The following LOC128092252 variants were observed in gnomAD, a reference collection of about 807,000 sequenced individuals.
chr15:50,676,703 G>A, the LOC128092252 span, among the ~76,000 whole-genome samples: 1 of 152,036 alleles, frequency 6.6e-6, no homozygotes. Flanking sequence ...CTTTTTGCCT[G>A]AAAACAGTCC....
At chr15:50,678,327 T>TCAACATGCCTGCCAAGGGTGAC in the LOC128092252 span, among the ~76,000 whole-genome samples, 4 of 149,878 alleles carry the variant, frequency 2.7e-5, no homozygotes, top group Middle Eastern at 3.5e-3. Context: ...TGTACATGGG[T>TCAACATGCCTGCCAAGGGTGAC]CAACATGCCT....
chr15:50,656,499 CTTTTT>C, the LOC128092252 span, among the ~76,000 whole-genome samples: 5 of 133,508 alleles, frequency 3.7e-5, no homozygotes, highest in African/African-American at 1.4e-4. Flanking sequence ...GTGTGGTTTT[CTTTTT>C]TTTTTTTTTT....
the LOC128092252 span, among the ~76,000 whole-genome samples, chr15:50,655,217 C>T: frequency 6.6e-6 from 1 of 151,450 alleles, no homozygotes; most frequent in South Asian, 2.1e-4. Flanking sequence ...GGGCGAATCA[C>T]GAGGTCAGGA....
At chr15:50,681,208 G>A in the LOC128092252 span, among the ~76,000 whole-genome samples, 1 of 151,678 alleles carries the variant, frequency 6.6e-6, no homozygotes. Context: ...CCAAGATCAC[G>A]CCACTGCACT....
the LOC128092252 span, among the ~76,000 whole-genome samples, chr15:50,653,739 G>A: frequency 6.6e-6 from 1 of 152,042 alleles, no homozygotes; most frequent in Admixed American, 6.6e-5. Context: ...CAGAGAAAAG[G>A]GAGCTATAAA....
the LOC128092252 span, among the ~76,000 whole-genome samples, chr15:50,682,829 T>A: frequency 1.3e-5 from 2 of 152,078 alleles, no homozygotes; most frequent in Non-Finnish European, 2.9e-5. Context: ...TCAGTTAAAA[T>A]CCCCATAGTC....
At chr15:50,681,977 A>G in the LOC128092252 span, among the ~76,000 whole-genome samples, 1 of 152,118 alleles carries the variant, frequency 6.6e-6, no homozygotes, top group Non-Finnish European at 1.5e-5. Flanking sequence ...CAGGAGTTCA[A>G]GACCAGCCTG....
chr15:50,686,530 C>T, the LOC128092252 span: 1 of 1,612,172 alleles, frequency 6.2e-7, no homozygotes, highest in South Asian at 1.1e-5. Context: ...GGGTCCAGTA[C>T]CATTCTCCTC....
chr15:50,669,080 C>G, the LOC128092252 span, among the ~76,000 whole-genome samples: 22,127 of 152,014 alleles, frequency 0.15, 2,203 homozygotes, highest in Admixed American at 0.28. Flanking sequence ...CTTGGGACCT[C>G]AAGAAGAGAG....
chr15:50,648,807 C>T, the LOC128092252 span: 1 of 1,613,266 alleles, frequency 6.2e-7, no homozygotes, highest in East Asian at 2.2e-5. Context: ...AATGGTCACC[C>T]AATTTCACAT....
chr15:50,670,712 G>A, the LOC128092252 span, among the ~76,000 whole-genome samples: 1 of 150,972 alleles, frequency 6.6e-6, no homozygotes, highest in Non-Finnish European at 1.5e-5. Context: ...TGGGCAACCA[G>A]CAGCCCTCAG....
At chr15:50,656,007 AAC>A in the LOC128092252 span, among the ~76,000 whole-genome samples, 5 of 113,916 alleles carry the variant, frequency 4.4e-5, no homozygotes, top group East Asian at 2.8e-4. Context: ...AAAAGAAAAA[AAC>A]AAAAAAAAAA....
the LOC128092252 span, among the ~76,000 whole-genome samples, chr15:50,654,411 C>A: frequency 2.0e-5 from 3 of 151,160 alleles, no homozygotes; most frequent in East Asian, 5.8e-4. Flanking sequence ...TGCAGCACTG[C>A]ACTCCAGCCT....
At chr15:50,668,409 C>T in the LOC128092252 span, among the ~76,000 whole-genome samples, 1 of 152,156 alleles carries the variant, frequency 6.6e-6, no homozygotes, top group Non-Finnish European at 1.5e-5. Flanking sequence ...AAGTATACTC[C>T]TGTGGACAAA....
chr15:50,657,759 G>T, the LOC128092252 span: 2 of 1,602,410 alleles, frequency 1.2e-6, no homozygotes, highest in South Asian at 2.2e-5. Flanking sequence ...AAATTTGTGC[G>T]GTATAGTTAT....
chr15:50,678,671 G>A, the LOC128092252 span, among the ~76,000 whole-genome samples: 7 of 151,894 alleles, frequency 4.6e-5, no homozygotes, highest in African/African-American at 1.7e-4. Context: ...CCCTATGAGA[G>A]TTTTAAAGAT....
At chr15:50,663,926 G>A in the LOC128092252 span, among the ~76,000 whole-genome samples, 6 of 152,056 alleles carry the variant, frequency 3.9e-5, no homozygotes, top group African/African-American at 1.4e-4. Context: ...TCAGGCCACT[G>A]CACTCCAGCC....
At chr15:50,657,942 T>C in the LOC128092252 span, 1 of 657,478 alleles carries the variant, frequency 1.5e-6, no homozygotes, top group South Asian at 2.2e-5. Context: ...TTTCAGTAGA[T>C]ATTATAGTTC....
At chr15:50,649,973 T>C in the LOC128092252 span, among the ~76,000 whole-genome samples, 3 of 152,076 alleles carry the variant, frequency 2.0e-5, no homozygotes, top group East Asian at 5.8e-4. Flanking sequence ...GACGGGCAGA[T>C]TACCTGAGGT....
Sources: allele counts gnomAD v4.1 joint callset (sites outside exome capture counted in the v4.1 genomes callset), GRCh38; gene constraint gnomAD v4.1.1; transcripts MANE v1.5.